DRD3: variants seen among roughly 807,000 people sequenced by gnomAD.
The protein encoded by DRD3 is D(3) dopamine receptor.
A neutral mutation model predicts 36.3 loss-of-function variants in DRD3; 19 were observed. The observed-to-expected ratio is 0.52, with a 90% CI of 0.36 to 0.77. DRD3 has a LOEUF of 0.77. DRD3 is among the 30% of genes least tolerant of loss of function. DRD3 has a pLI of 0.00. For synonymous variants in DRD3, 195 were observed against 203.7 expected, an observed-to-expected ratio of 0.96 and a Z score of 0.36; for missense variants, 465 against 505.3, an observed-to-expected ratio of 0.92 and a Z score of 0.77.
Position 114,173,989 on chromosome 3 carries a change from G to T in DRD3, c.-35-1962C>A, listed in dbSNP as rs189396414. On this transcript the variant is annotated intron_variant, in intron 1 of 6. Transcript: ENST00000383673. ...AAATGTTTCAGCCTGAAATATGAAA[G>T]AGTTAAAATGAACAAATACTTGGGA... 1.9e-3 allele frequency among the ~76,000 whole-genome samples: 296 copies of T among 152,172 alleles called. 3 individuals are homozygous for T. The highest frequency in any genetic ancestry group is 6.8e-3 in the African/African-American group (282 of 41,502).
intron 3 of DRD3, among the ~76,000 whole-genome samples, chr3:114,156,718 TTTCTTTCTTTCTTTCTTTCTTTCTTTTTC>T (rs2077671508): frequency 4.0e-3 from 10 of 2,508 alleles, no homozygotes; most frequent in Non-Finnish European, 0.025. Flanking sequence ...CTTGCCTGTC[TTTCTTTCTTTCTTTCTTTCTTTCTTTTTC>T]TTTCTTTCTT....
upstream of DRD3, among the ~76,000 whole-genome samples, chr3:114,181,577 A>G (rs2107897964): frequency 6.6e-6 from 1 of 152,346 alleles, no homozygotes; most frequent in South Asian, 2.1e-4. Context: ...AATCAAGAAA[A>G]ATATAGATCA....
chr3:114,187,089 G>T (rs986657033), intron 1 of DRD3, among the ~76,000 whole-genome samples: 1 of 152,246 alleles, frequency 6.6e-6, no homozygotes, highest in African/African-American at 2.4e-5. Context: ...GTATCATGGG[G>T]AATAAGATGG....
intron 1 of DRD3, among the ~76,000 whole-genome samples, chr3:114,189,947 C>A (rs1377704838): frequency 6.6e-6 from 1 of 152,104 alleles, no homozygotes; most frequent in Non-Finnish European, 1.5e-5. Flanking sequence ...ACATAAACAC[C>A]TTGTCAGGCA....
intron 1 of DRD3, among the ~76,000 whole-genome samples, chr3:114,190,462 ATTTTTTTTTTTTTTTTTTTTTTTTT>A (rs55938654): frequency 9.0e-3 from 72 of 8,030 alleles, no homozygotes; most frequent in South Asian, 0.052. Flanking sequence ...ATATATATAT[ATTTTTTTTTTTTTTTTTTTTTTTTT>A]TTTTTTTTTT....
upstream of DRD3, among the ~76,000 whole-genome samples, chr3:114,184,019 G>A (rs954694180): frequency 2.6e-5 from 4 of 152,032 alleles, no homozygotes; most frequent in African/African-American, 7.2e-5. Context: ...TTTTCTATAT[G>A]CCTTATAGCT....
Position 114,147,410 on chromosome 3 carries a change from G to C in DRD3, c.526+5C>G. 4 of 1,611,390 alleles carry C rather than the reference G, an allele frequency of 2.5e-6. No individual in the cohort carries two copies. Among genetic ancestry groups the C allele is most frequent in the Non-Finnish European group, 2.5e-6 (3 of 1,177,906 alleles). On this transcript the variant is annotated splice_donor_5th_base_variant and intron_variant, in intron 4 of 6. Coordinates refer to ENST00000383673, the MANE Select transcript of DRD3 (RefSeq NM_000796.6). Reference sequence around the variant, plus strand: ...GGATGCTAGAAATGAAGCCATCACTGTTACCTGTGGTATTAAAGCCAAACA... The same window carrying C: ...GGATGCTAGAAATGAAGCCATCACTCTTACCTGTGGTATTAAAGCCAAACA...
intron 3 of DRD3, among the ~76,000 whole-genome samples, chr3:114,155,323 C>T (rs1396507539): frequency 6.6e-6 from 1 of 151,994 alleles, no homozygotes; most frequent in Admixed American, 6.6e-5. Flanking sequence ...CATTTTGAGG[C>T]TTGGTGAGAA....
At chr3:114,186,556 C>T (rs2077976859) in intron 1 of DRD3, among the ~76,000 whole-genome samples, 1 of 152,188 alleles carries the variant, frequency 6.6e-6, no homozygotes. Flanking sequence ...ATTATCAGAC[C>T]ATAGTTCCCC....
At chr3:114,140,354 T>C (rs2077513869) in intron 4 of DRD3, among the ~76,000 whole-genome samples, 1 of 152,142 alleles carries the variant, frequency 6.6e-6, no homozygotes, top group Non-Finnish European at 1.5e-5. Flanking sequence ...GAAGGGTCCT[T>C]GTCCCTGCTT....
chr3:114,159,731 C>A (rs199811701), intron 3 of DRD3, 24 bp downstream of exon 3: 86 of 1,608,908 alleles, frequency 5.3e-5, no homozygotes, highest in Non-Finnish European at 6.3e-5. Flanking sequence ...TTTGGGCCAC[C>A]TGGAAGGGGA....
intron 2 of DRD3, among the ~76,000 whole-genome samples, chr3:114,166,814 TC>T (rs2077789932): frequency 6.6e-6 from 1 of 152,190 alleles, no homozygotes; most frequent in Admixed American, 6.5e-5. Context: ...GCCAGGAATT[TC>T]CTGTGGTTGG....
intron 4 of DRD3, among the ~76,000 whole-genome samples, chr3:114,142,329 G>A (rs1276984433): frequency 6.6e-6 from 1 of 152,160 alleles, no homozygotes; most frequent in Non-Finnish European, 1.5e-5. Context: ...AGAGGCCAGT[G>A]GGGTGGCACT....
At chr3:114,173,956 T>C (rs1344755739) in intron 1 of DRD3, among the ~76,000 whole-genome samples, 2 of 152,130 alleles carry the variant, frequency 1.3e-5, no homozygotes, top group Non-Finnish European at 2.9e-5. Context: ...ATTTTGTACC[T>C]CACTTTGAAA....
At chr3:114,156,806 C>CTTTCTTTCTTT (rs2077681481) in intron 3 of DRD3, among the ~76,000 whole-genome samples, 1 of 98,126 alleles carries the variant, frequency 1.0e-5, no homozygotes, top group Non-Finnish European at 2.1e-5. Flanking sequence ...TTTCTCTTTT[C>CTTTCTTTCTTT]TTTTTCTTTC....
At chr3:114,148,313 ACC>A (rs2077586939) in intron 3 of DRD3, among the ~76,000 whole-genome samples, 1 of 152,120 alleles carries the variant, frequency 6.6e-6, no homozygotes, top group South Asian at 2.1e-4. Context: ...GAGGATATTT[ACC>A]TCCTGCTTGT....
At position 114,132,717 on chromosome 3, in the gene DRD3, T is replaced by C. The variant is rs186591484; in HGVS notation, c.724-1317A>G. ...AGAAACACATTAAGTGACACCACTA[T>C]GACATAAGCCCCGAAATGTGGAGTG... On this transcript the variant is annotated intron_variant, in intron 5 of 6. Transcript: ENST00000383673. Among the ~76,000 whole-genome samples the C allele has an allele frequency of 3.3e-3, 497 of 152,302 alleles. 8 individuals carry two copies. Among genetic ancestry groups the C allele is most frequent in the Admixed American group, 0.03 (452 of 15,286 alleles).
In DRD3 at chr3:114,159,748, G is replaced by A. The variant is rs200206712; in HGVS notation, c.383+7C>T. Reference sequence around the variant, plus strand: ...TGGGCCACCTGGAAGGGGAATTGCAGCCCTACCTGTCTATGCTGATGGCAC... The same window carrying A: ...TGGGCCACCTGGAAGGGGAATTGCAACCCTACCTGTCTATGCTGATGGCAC... On this transcript the variant is annotated splice_region_variant and intron_variant, in intron 3 of 6. Transcript: ENST00000383673. 335 of 1,612,616 alleles carry A rather than the reference G, an allele frequency of 2.1e-4. No homozygotes were observed. The highest frequency in any genetic ancestry group is 2.8e-4 in the Non-Finnish European group (327 of 1,179,044).
At chr3:114,148,096 T>C (rs1007773692) in intron 3 of DRD3, among the ~76,000 whole-genome samples, 1 of 152,212 alleles carries the variant, frequency 6.6e-6, no homozygotes, top group Non-Finnish European at 1.5e-5. Flanking sequence ...AAGAACTTAC[T>C]GAGGGAGATG....
Sources: allele counts gnomAD v4.1 joint callset (sites outside exome capture counted in the v4.1 genomes callset), GRCh38; gene constraint gnomAD v4.1.1; transcripts MANE v1.5; gene names NCBI Gene and HGNC (gene_info 2026-07-23, HGNC 2026-07-21).